Variants in CSNK2A1 observed in about 807,000 individuals in gnomAD.
CSNK2A1 encodes casein kinase II subunit alpha.
In CSNK2A1, 10 loss-of-function variants were observed where a neutral mutation model predicts 62.9. The ratio of observed to expected loss-of-function variants is 0.16; its 90% CI spans 0.10 to 0.27. The LOEUF is 0.27. CSNK2A1 is among the 10% of genes least tolerant of loss of function. The pLI is 1.00. For synonymous variants in CSNK2A1, 124 were observed against 167.8 expected, an observed-to-expected ratio of 0.74 and a Z score of 2.02; for missense variants, 160 against 492.0, an observed-to-expected ratio of 0.33 and a Z score of 6.38.
rs939248592 is a variant in CSNK2A1 at position 508,614 on chromosome 20, A to T, written c.-63T>A. ...TGGAGATCTGGCAGTCACTGTGTTCAGAAGCAGCTGGGGGTAAGACCTTGT... is the reference window on the plus strand; with the variant it reads ...TGGAGATCTGGCAGTCACTGTGTTCTGAAGCAGCTGGGGGTAAGACCTTGT... On this transcript the variant is annotated 5_prime_UTR_variant, in exon 3 of 14. Transcript: ENST00000217244. 1.3e-6 allele frequency: 2 copies of T among 1,543,068 alleles called. No individual in the cohort carries two copies. The highest frequency in any genetic ancestry group is 1.8e-6 in the Non-Finnish European group (2 of 1,122,484).
At chr20:534,708 C>CAGG (rs1402398675) in intron 1 of CSNK2A1, among the ~76,000 whole-genome samples, 87 of 152,174 alleles carry the variant, frequency 5.7e-4, no homozygotes, top group Non-Finnish European at 7.4e-5. Flanking sequence ...GATGAATGCT[C>CAGG]AGGTCCTTAG....
intron 1 of CSNK2A1, among the ~76,000 whole-genome samples, chr20:541,491 T>C (rs2019448495): frequency 6.6e-6 from 1 of 152,190 alleles, no homozygotes; most frequent in Middle Eastern, 3.2e-3. Context: ...GTAAAGTATA[T>C]ATACATACAT....
chr20:534,174 C>T (rs2019266152), intron 1 of CSNK2A1, among the ~76,000 whole-genome samples: 2 of 152,100 alleles, frequency 1.3e-5, no homozygotes. Flanking sequence ...AAATAATCTG[C>T]CAAAAACAAC....
rs1462496184 is a variant in CSNK2A1, at chr20:478,711, T to C, written c.*5250A>G. On this transcript the variant is annotated 3_prime_UTR_variant, in exon 14 of 14. Transcript: ENST00000217244. ...TGGGAGGCCAAGGCGGGTAGACTGT[T>C]GAGCTCAGGAGTTCAAGACCAGCCT... 5.2e-6 allele frequency: 2 copies of C among 382,268 alleles called. No homozygotes were observed. Among genetic ancestry groups the C allele is most frequent in the Non-Finnish European group, 1.0e-5 (2 of 195,822 alleles). The allele number at this position is 382,268 out of a possible 1,614,324, so 23.7% of individuals were successfully genotyped here.
At chr20:525,040 T>C (rs1485637755) in intron 2 of CSNK2A1, among the ~76,000 whole-genome samples, 1 of 152,074 alleles carries the variant, frequency 6.6e-6, no homozygotes, top group African/African-American at 2.4e-5. Context: ...ACCTAGGAGT[T>C]TGAGGCTTCA....
Position 483,955 on chromosome 20 carries a change from G to C in CSNK2A1, c.*6C>G, listed in dbSNP as rs2018009616. On this transcript the variant is annotated 3_prime_UTR_variant, in exon 14 of 14. Transcript: ENST00000217244. ...CTGCTCAGGCATCAGGAGACAGATA[G>C]GGCCGTTACTGCTGAGCGCCAGCGG... is the stretch of plus-strand genomic sequence containing the variant. The C allele has an allele frequency of 1.2e-6, 2 of 1,609,880 alleles. No homozygotes were observed. The highest frequency in any genetic ancestry group is 1.7e-5 in the Admixed American group (1 of 59,468).
intron 2 of CSNK2A1, among the ~76,000 whole-genome samples, chr20:525,643 T>C (rs904245660): frequency 2.0e-5 from 2 of 100,944 alleles, no homozygotes; most frequent in African/African-American, 4.2e-5. Context: ...AGAGCGAGAC[T>C]CCATCTCAAA....
intron 2 of CSNK2A1, among the ~76,000 whole-genome samples, chr20:523,968 AT>A (rs1477130651): frequency 2.0e-5 from 3 of 151,722 alleles, no homozygotes; most frequent in Non-Finnish European, 2.9e-5. Flanking sequence ...GCAGAAGGTG[AT>A]ATAACTATTC....
chr20:482,403 C>T lies in CSNK2A1; in HGVS notation c.*1558G>A, dbSNP rs1304213879. The stretch of plus-strand genomic sequence containing the variant: ...GGATTACAGTGGAAAGTCCACTTTA[C>T]ACACACACACAAACACACAAAAACT... On this transcript the variant is annotated 3_prime_UTR_variant, in exon 14 of 14. Coordinates refer to ENST00000217244, the MANE Select transcript of CSNK2A1 (RefSeq NM_177559.3). 2 of 152,104 alleles carry T rather than the reference C, an allele frequency of 1.3e-5. No individual in the cohort carries two copies. Among genetic ancestry groups the T allele is most frequent in the Non-Finnish European group, 2.9e-5 (2 of 68,012 alleles). The allele number at this position is 152,104 out of a possible 1,614,324, so 9.4% of individuals were successfully genotyped here. A position where few individuals can be genotyped will look rare whatever the true frequency, so the allele number is the denominator to read the frequency against.
chr20:529,781 C>T (rs2019172965), intron 1 of CSNK2A1, among the ~76,000 whole-genome samples: 1 of 152,128 alleles, frequency 6.6e-6, no homozygotes, highest in Non-Finnish European at 1.5e-5. Flanking sequence ...GTGATAAATG[C>T]TTAGTTAAAA....
intron 2 of CSNK2A1, among the ~76,000 whole-genome samples, chr20:516,993 A>C (rs1044845048): frequency 5.3e-5 from 8 of 152,224 alleles, no homozygotes; most frequent in African/African-American, 1.4e-4. Context: ...ATGGTTTAGG[A>C]CTGCTTGTTT....
At chr20:542,403 C>T (rs1273775649) in intron 1 of CSNK2A1, among the ~76,000 whole-genome samples, 2 of 152,214 alleles carry the variant, frequency 1.3e-5, no homozygotes, top group Non-Finnish European at 2.9e-5. Flanking sequence ...GGAATGAAGT[C>T]TCCAATTCTT....
In CSNK2A1 at chr20:481,833, T is replaced by C. The variant is rs75490887; in HGVS notation, c.*2128A>G. ...AATCCAGTGCAAACATAATCACAAATTGCATCTCTGGCACATCTGGTGCTT... is the reference window on the plus strand; with the variant it reads ...AATCCAGTGCAAACATAATCACAAACTGCATCTCTGGCACATCTGGTGCTT... On this transcript the variant is annotated 3_prime_UTR_variant, in exon 14 of 14. Coordinates refer to ENST00000217244, the MANE Select transcript of CSNK2A1 (RefSeq NM_177559.3). The C allele has an allele frequency of 1.3e-5, 2 of 152,322 alleles. No individual in the cohort carries two copies. The highest frequency in any genetic ancestry group is 4.8e-5 in the African/African-American group (2 of 41,566). The allele number at this position is 152,322 out of a possible 1,614,324, so 9.4% of individuals were successfully genotyped here. A position where few individuals can be genotyped will look rare whatever the true frequency, so the allele number is the denominator to read the frequency against.
Position 474,876 on chromosome 20 carries a change from T to G in CSNK2A1, c.*9085A>C, listed in dbSNP as rs868722248. ...TAGTTTTCCCTCCTTTCATAACTTT[T>G]CCCATTCCTGCTGAGTTAATACTTT... On this transcript the variant is annotated 3_prime_UTR_variant, in exon 14 of 14. Transcript: ENST00000217244. 5 of 152,224 alleles carry G rather than the reference T, an allele frequency of 3.3e-5. No homozygotes were observed. The South Asian group carries it at 1.0e-3, about 32-fold the overall frequency. 9.4% of individuals were successfully genotyped at this position (152,224 alleles called of 1,614,324 possible).
intron 1 of CSNK2A1, among the ~76,000 whole-genome samples, chr20:541,346 T>C (rs891761640): frequency 1.1e-4 from 16 of 152,176 alleles, no homozygotes; most frequent in African/African-American, 3.9e-4. Context: ...TATGGCACCT[T>C]GGGAAGAGGG....
intron 10 of CSNK2A1, 91 bp from the exon 11 acceptor site, chr20:488,869 C>T: frequency 2.5e-6 from 3 of 1,214,642 alleles, no homozygotes; most frequent in Non-Finnish European, 3.5e-6. Flanking sequence ...ATAAACGGGT[C>T]ATCATGTCTA....
rs933439245 is a variant in CSNK2A1 at position 524,216 on chromosome 20, G to A, written c.-110+3717C>T. The stretch of plus-strand genomic sequence containing the variant: ...AGGTGGGCAGATCACCTGAGGTCAG[G>A]AGCTCAAAACCACCCTGGCCAGTAC... On this transcript the variant is annotated intron_variant, in intron 2 of 13. Transcript: ENST00000217244. Among the ~76,000 whole-genome samples the A allele has an allele frequency of 5.3e-4, 80 of 151,934 alleles. 1 individual carries two copies. The highest frequency in any genetic ancestry group is 7.7e-4 in the Non-Finnish European group (52 of 67,946).
intron 1 of CSNK2A1, among the ~76,000 whole-genome samples, chr20:540,425 A>G (rs1343193246): frequency 6.6e-6 from 1 of 152,248 alleles, no homozygotes; most frequent in African/African-American, 2.4e-5. Flanking sequence ...CTTAGTTGCT[A>G]CTATGTAACA....
At chr20:495,664 T>C in intron 8 of CSNK2A1, 55 bp downstream of exon 8, 1 of 1,477,120 alleles carries the variant, frequency 6.8e-7, no homozygotes, top group Non-Finnish European at 9.5e-7. Context: ...GTGTTGAAGA[T>C]GGGCAATTAG....
Sources: allele counts gnomAD v4.1 joint callset (sites outside exome capture counted in the v4.1 genomes callset), GRCh38; gene constraint gnomAD v4.1.1; transcripts MANE v1.5; gene names NCBI Gene and HGNC (gene_info 2026-07-23, HGNC 2026-07-21).